The following FAM174B variants were observed in gnomAD, a reference collection of about 807,000 sequenced individuals.
FAM174B encodes family with sequence similarity 174 member B.
Under a neutral mutation model 10.9 loss-of-function variants are expected in FAM174B, and 12 were observed. The ratio of observed to expected loss-of-function variants is 1.10; its 90% CI spans 0.71 to 1.79. The LOEUF (loss-of-function observed/expected upper bound fraction) is 1.79, where lower values mean the gene tolerates loss of function less well. Ranked by LOEUF, FAM174B falls within the 40% of genes most tolerant of loss-of-function variation. The pLI, the probability that FAM174B is intolerant of heterozygous loss-of-function variation, is 0.00. For missense variants in FAM174B, 266 were observed against 233.3 expected (o/e 1.14, Z -0.91); for synonymous variants, 132 against 115.8 (o/e 1.14, Z -0.90).
At chr15:92,622,725 T>G (rs1458043446) in intron 2 of FAM174B, among the ~76,000 whole-genome samples, 1 of 152,240 alleles carries the variant, frequency 6.6e-6, no homozygotes, top group African/African-American at 2.4e-5. Flanking sequence ...TCCCTGCATG[T>G]TGAGCCACCT....
intron 1 of FAM174B, among the ~76,000 whole-genome samples, chr15:92,632,875 G>A (rs943397808): frequency 6.6e-6 from 1 of 151,464 alleles, no homozygotes; most frequent in Non-Finnish European, 1.5e-5. Flanking sequence ...GGGCTGCAGG[G>A]AAAGCACTGA....
intron 1 of FAM174B, among the ~76,000 whole-genome samples, chr15:92,636,427 G>A (rs1003645346): frequency 6.6e-6 from 1 of 152,240 alleles, no homozygotes; most frequent in Admixed American, 6.5e-5. Flanking sequence ...GGCATGTGCT[G>A]CTGGTATCCC....
intron 1 of FAM174B, among the ~76,000 whole-genome samples, chr15:92,652,705 A>G (rs1003397269): frequency 2.6e-5 from 4 of 152,204 alleles, no homozygotes; most frequent in African/African-American, 9.6e-5. Context: ...CAGGTGGCGA[A>G]GCTTCACTGG....
chr15:92,643,860 G>A (rs1461415018), intron 1 of FAM174B, among the ~76,000 whole-genome samples: 1 of 152,210 alleles, frequency 6.6e-6, no homozygotes, highest in African/African-American at 2.4e-5. Flanking sequence ...TCAATGAACA[G>A]CACACGTGAA....
intron 2 of FAM174B, among the ~76,000 whole-genome samples, chr15:92,627,836 C>T (rs2050763247): frequency 6.6e-6 from 1 of 152,168 alleles, no homozygotes; most frequent in Non-Finnish European, 1.5e-5. Context: ...TGGTTTTCTT[C>T]ACATTGTATT....
intron 2 of FAM174B, among the ~76,000 whole-genome samples, chr15:92,621,608 CA>C (rs34071146): frequency 0.38 from 50,093 of 131,696 alleles, 8,453 homozygotes; most frequent in Non-Finnish European, 0.4. Flanking sequence ...AAGATCGTCT[CA>C]AAAAAAAAAA....
At chr15:92,625,612 ATTGT>A (rs1457662953) in intron 2 of FAM174B, among the ~76,000 whole-genome samples, 1 of 152,226 alleles carries the variant, frequency 6.6e-6, no homozygotes, top group African/African-American at 2.4e-5. Flanking sequence ...CTCATGATTC[ATTGT>A]TTGGGTAGAA....
At chr15:92,633,696 A>C (rs563460066) in intron 1 of FAM174B, among the ~76,000 whole-genome samples, 4 of 152,328 alleles carry the variant, frequency 2.6e-5, no homozygotes, top group African/African-American at 9.6e-5. Context: ...TCACCTTGCC[A>C]GTAGCCCTGG....
chr15:92,650,149 T>C (rs922508526), intron 1 of FAM174B, among the ~76,000 whole-genome samples: 3 of 152,238 alleles, frequency 2.0e-5, no homozygotes, highest in Admixed American at 2.0e-4. Context: ...TAAGCTTTTA[T>C]ATTTTCTTTT....
chr15:92,638,559 G>C (rs924741303), intron 1 of FAM174B, among the ~76,000 whole-genome samples: 1 of 152,174 alleles, frequency 6.6e-6, no homozygotes, highest in Non-Finnish European at 1.5e-5. Flanking sequence ...GTGACAGTCA[G>C]AGCCACCAAC....
chr15:92,636,603 A>G (rs2050857561), intron 1 of FAM174B, among the ~76,000 whole-genome samples: 1 of 151,820 alleles, frequency 6.6e-6, no homozygotes, highest in Admixed American at 6.6e-5. Flanking sequence ...ACAACTACCC[A>G]TGGTCTGAAA....
At chr15:92,627,556 G>C (rs996772799) in intron 2 of FAM174B, 3 of 152,598 alleles carry the variant, frequency 2.0e-5, no homozygotes, top group Non-Finnish European at 4.4e-5. Flanking sequence ...AGCCTATAAA[G>C]AGAATTTCTG....
intron 1 of FAM174B, among the ~76,000 whole-genome samples, chr15:92,636,076 G>A (rs1229299405): frequency 6.6e-6 from 1 of 152,206 alleles, no homozygotes; most frequent in African/African-American, 2.4e-5. Flanking sequence ...AAAATAGAGT[G>A]CATTCGAAGC....
At chr15:92,627,095 G>A (rs1008570060) in intron 2 of FAM174B, 3 of 152,152 alleles carry the variant, frequency 2.0e-5, no homozygotes, top group Non-Finnish European at 2.9e-5. Context: ...AGTGTTGAAG[G>A]GCCCCGCACT....
Position 92,631,162 on chromosome 15 carries a change from A to ACGTATTACATATTACATAT in FAM174B, c.345-818_345-817insATATGTAATATGTAATACG, listed in dbSNP as rs1298565855. On this transcript the variant is annotated intron_variant, in intron 1 of 2. Coordinates refer to ENST00000327355, the MANE Select transcript of FAM174B (RefSeq NM_207446.3). The stretch of plus-strand genomic sequence containing the variant: ...CATATTACATATTATATTATATATT[A>ACGTATTACATATTACATAT]TATAATAATTTATATATTATATTAT... 1.2e-3 allele frequency among the ~76,000 whole-genome samples: 28 copies of ACGTATTACATATTACATAT among 22,610 alleles called. 3 individuals are homozygous for ACGTATTACATATTACATAT. The highest frequency in any genetic ancestry group is 2.1e-3 in the Non-Finnish European group (18 of 8,654). 14.8% of individuals were successfully genotyped at this position (22,610 alleles called of 152,430 possible).
intron 1 of FAM174B, chr15:92,655,052 G>A (rs1182873293): frequency 9.0e-6 from 3 of 333,470 alleles, no homozygotes; most frequent in African/African-American, 6.4e-5. Context: ...AGCATTAGCA[G>A]AAAGCCAACA....
rs2050997980 is a variant in FAM174B at position 92,655,509 on chromosome 15, G to A, written c.151C>T (p.Pro51Ser). The A allele has an allele frequency of 2.0e-6, 3 of 1,504,470 alleles. No homozygotes were observed. The highest frequency in any genetic ancestry group is 2.7e-6 in the Non-Finnish European group (3 of 1,127,332). 93.2% of individuals were successfully genotyped at this position (1,504,470 alleles called of 1,614,324 possible). ...RESRPPPGPG[P>S]GNTTRFGSGA... ...GACCCAAACCGGGTGGTGTTCCCGG[G>A]CCCCGGGCCGGGCGGTGGCCGCGAC... Residue 51 changes from proline (P) to serine (S), a missense_variant, in exon 1 of 3, where the codon CCC becomes TCC. Pro to Ser is a moderately conservative substitution (Grantham distance 74, BLOSUM62 -1). Transcript: ENST00000327355.
intron 2 of FAM174B, among the ~76,000 whole-genome samples, chr15:92,629,347 A>G (rs896146472): frequency 6.6e-6 from 1 of 152,162 alleles, no homozygotes; most frequent in African/African-American, 2.4e-5. Flanking sequence ...CCACACTACA[A>G]TCCTAAAGTC....
In FAM174B at chr15:92,619,579, G is replaced by A. The variant is rs975381593; in HGVS notation, c.477-120C>T. 6 of 1,160,348 alleles carry A rather than the reference G, an allele frequency of 5.2e-6. No individual in the cohort carries two copies. The African/African-American group carries it at 9.3e-5, about 18-fold the overall frequency. The allele number at this position is 1,160,348 out of a possible 1,614,324, so 71.9% of individuals were successfully genotyped here. A position where few individuals can be genotyped will look rare whatever the true frequency, so the allele number is the denominator to read the frequency against. On this transcript the variant is annotated intron_variant, in intron 2 of 2. Coordinates refer to ENST00000327355, the MANE Select transcript of FAM174B (RefSeq NM_207446.3). ...GCCAGTGAAAAGGCCACAGTCCCCA[G>A]CCACAGGACCTTTGAGCGTGCTGTC...
Sources: allele counts gnomAD v4.1 joint callset (sites outside exome capture counted in the v4.1 genomes callset), GRCh38; gene constraint gnomAD v4.1.1; transcripts MANE v1.5; gene names NCBI Gene and HGNC (gene_info 2026-07-23, HGNC 2026-07-21).